ZNF565: variants seen among roughly 807,000 people sequenced by gnomAD.
ZNF565 encodes the protein zinc finger protein 565.
A neutral mutation model predicts 39.4 loss-of-function variants in ZNF565; 27 were observed. The observed-to-expected ratio is 0.69, with a 90% CI of 0.51 to 0.95. The LOEUF (loss-of-function observed/expected upper bound fraction) is 0.95, where lower values mean the gene tolerates loss of function less well. Ranked by LOEUF, ZNF565 falls within the 40% of genes least tolerant of loss-of-function variation. The probability of loss-of-function intolerance (pLI) is 0.00; values close to 1 mark genes in which losing one functional copy is unlikely to be tolerated. For missense variants in ZNF565, 524 were observed against 621.1 expected, an observed-to-expected ratio of 0.84 and a Z score of 1.66; for synonymous variants, 185 against 216.6, an observed-to-expected ratio of 0.85 and a Z score of 1.28.
At chr19:36,211,708 G>C (rs944444341) in intron 1 of ZNF565, among the ~76,000 whole-genome samples, 1 of 151,780 alleles carries the variant, frequency 6.6e-6, no homozygotes, top group Non-Finnish European at 1.5e-5. Context: ...CAGGAGAATC[G>C]CATGAACCAG....
In ZNF565 at chr19:36,182,594, G is replaced by A. The variant is rs748261589; in HGVS notation, c.1372C>T (p.Arg458Cys). Residue 458 changes from arginine to cysteine, a missense_variant, in exon 5 of 5, where the codon CGT (arginine) becomes TGT (cysteine). Coordinates refer to ENST00000304116, the MANE Select transcript of ZNF565 (RefSeq NM_152477.5). ...ECRECGMAFI[R>C]SSQLTEHQRI... ...TGATGTTCGGTAAGTTGTGAACTAC[G>A]AATAAAGGCCATTCCACACTCCCTG... The A allele has an allele frequency of 5.0e-6, 8 of 1,613,950 alleles. No homozygotes were observed. Among genetic ancestry groups the A allele is most frequent in the Non-Finnish European group, 6.8e-6 (8 of 1,180,004 alleles).
chr19:36,204,106 C>T (rs1029759553), intron 1 of ZNF565, among the ~76,000 whole-genome samples: 2 of 151,506 alleles, frequency 1.3e-5, no homozygotes, highest in Non-Finnish European at 2.9e-5. Flanking sequence ...TGCACCACCA[C>T]GCCTGGCTAA....
chr19:36,239,656 C>A (rs1312604955), intron 1 of ZNF565, among the ~76,000 whole-genome samples: 1 of 152,128 alleles, frequency 6.6e-6, no homozygotes, highest in Non-Finnish European at 1.5e-5. Context: ...AAAACAACTT[C>A]CCATAACTTC....
chr19:36,226,244 C>G (rs887873594), intron 1 of ZNF565, among the ~76,000 whole-genome samples: 23 of 152,202 alleles, frequency 1.5e-4, no homozygotes, highest in Non-Finnish European at 4.4e-5. Flanking sequence ...GAGTCTCAAA[C>G]TTGATCTCCC....
intron 3 of ZNF565, chr19:36,194,703 G>A (rs549398754): frequency 2.1e-5 from 10 of 485,066 alleles, no homozygotes; most frequent in Admixed American, 9.9e-5. Flanking sequence ...CTGGGATCCC[G>A]ACAGCTCACC....
Position 36,183,595 on chromosome 19 carries a change from T to G in ZNF565, c.371A>C (p.Gln124Pro). The G allele has an allele frequency of 6.2e-7, 1 of 1,614,198 alleles. No homozygotes were observed. Among genetic ancestry groups the G allele is most frequent in the South Asian group, 1.1e-5 (1 of 91,084 alleles). The stretch of plus-strand genomic sequence containing the variant: ...CTCTTCATTGACTTGTCTCTCAAAC[T>G]GGCCTTCGCATTCCCAGTCAGCTCT... Reference protein sequence around the residue: ...DFRADWECEGQFERQVNEECY... With the variant: ...DFRADWECEGPFERQVNEECY... Residue 124 changes from glutamine to proline, a missense_variant, in exon 5 of 5, where the codon CAG (glutamine) becomes CCG (proline). Physicochemically the swap from Gln to Pro is moderately conservative, Grantham distance 76. Coordinates refer to ENST00000304116, the MANE Select transcript of ZNF565 (RefSeq NM_152477.5).
intron 4 of ZNF565, among the ~76,000 whole-genome samples, chr19:36,190,570 C>T (rs1037591801): frequency 1.4e-5 from 2 of 146,154 alleles, no homozygotes; most frequent in African/African-American, 5.1e-5. Flanking sequence ...GGGCGAAACT[C>T]CATCTCAAAA....
rs191462347 is a variant in ZNF565, at chr19:36,230,627, A to G, written c.55+14849T>C. 1.8e-3 allele frequency among the ~76,000 whole-genome samples: 273 copies of G among 152,264 alleles called. 1 individual carries two copies. The highest frequency in any genetic ancestry group is 2.9e-3 in the Non-Finnish European group (196 of 68,016). On this transcript the variant is annotated intron_variant, in intron 1 of 4. Coordinates refer to the ZNF565 transcript ENST00000355114. The stretch of plus-strand genomic sequence containing the variant: ...AAGGAACAAAAGTGTTAAAAGCCCT[A>G]AGTCAGGAGAAGCTTGCTGTCCTGT...
At chr19:36,216,014 A>G (rs1023009255), upstream of ZNF565, among the ~76,000 whole-genome samples, 2 of 152,206 alleles carry the variant, frequency 1.3e-5, no homozygotes, top group Non-Finnish European at 2.9e-5. Context: ...TGACGTCTCC[A>G]AAGATGCGTT....
chr19:36,191,314 CTTTTT>C (rs768603825), intron 4 of ZNF565, among the ~76,000 whole-genome samples: 1 of 125,024 alleles, frequency 8.0e-6, no homozygotes. Context: ...ATTTTTCTTT[CTTTTT>C]TTTTTTTTTT....
At position 36,202,009 on chromosome 19, in the gene ZNF565, C is replaced by G. The variant is rs10417148; in HGVS notation, c.-24G>C. ...ATGGCTTTTAGAACTATTTGACCTG[C>G]TCTGATTTCTCTGGATTCTTCTCTT... On this transcript the variant is annotated 5_prime_UTR_variant, in exon 2 of 5. Transcript: ENST00000304116. The G allele has an allele frequency of 6.4e-4, 1,035 of 1,614,036 alleles. 6 individuals are homozygous for G. The African/African-American group carries it at 0.012, about 19-fold the overall frequency.
intron 1 of ZNF565, among the ~76,000 whole-genome samples, chr19:36,241,079 C>T (rs76913655): frequency 4.6e-5 from 7 of 152,116 alleles, no homozygotes; most frequent in African/African-American, 1.4e-4. Flanking sequence ...GTTCCTTATA[C>T]GTTAACCAGA....
intron 1 of ZNF565, among the ~76,000 whole-genome samples, chr19:36,240,954 C>G (rs540088709): frequency 6.6e-6 from 1 of 152,250 alleles, no homozygotes; most frequent in East Asian, 1.9e-4. Flanking sequence ...TTTGTCCCCA[C>G]TTGCTGTCTC....
intron 1 of ZNF565, among the ~76,000 whole-genome samples, chr19:36,229,238 C>G (rs562265051): frequency 6.6e-6 from 1 of 152,208 alleles, no homozygotes; most frequent in Non-Finnish European, 1.5e-5. Flanking sequence ...ATATTTTACA[C>G]CTGTTCTCAC....
chr19:36,207,422 C>T (rs1976194931), intron 1 of ZNF565, among the ~76,000 whole-genome samples: 1 of 151,938 alleles, frequency 6.6e-6, no homozygotes, highest in African/African-American at 2.4e-5. Context: ...CACCTGTAAT[C>T]CTATTTACTC....
intron 1 of ZNF565, among the ~76,000 whole-genome samples, chr19:36,233,144 A>AG (rs1447221198): frequency 6.6e-6 from 1 of 152,176 alleles, no homozygotes; most frequent in Non-Finnish European, 1.5e-5. Context: ...AGCACTTGGG[A>AG]GGCAGATACG....
intron 1 of ZNF565, among the ~76,000 whole-genome samples, chr19:36,210,419 CAAAA>C (rs35345882): frequency 2.5e-4 from 17 of 67,028 alleles, no homozygotes; most frequent in African/African-American, 8.8e-4. Flanking sequence ...AATTCTGTCT[CAAAA>C]AAAAAAAAAA....
At position 36,229,548 on chromosome 19, in the gene ZNF565, G is replaced by A. The variant is rs145705983; in HGVS notation, c.55+15928C>T. Among the ~76,000 whole-genome samples the A allele has an allele frequency of 4.8e-3, 728 of 152,196 alleles. 5 individuals carry two copies. The highest frequency in any genetic ancestry group is 0.016 in the African/African-American group (682 of 41,496). ...TTGTGGTCACGTTTACGCGTGTCACGTATATCCTTCTTGAGGTAACCTAGG... is the reference window on the plus strand; with the variant it reads ...TTGTGGTCACGTTTACGCGTGTCACATATATCCTTCTTGAGGTAACCTAGG... On this transcript the variant is annotated intron_variant, in intron 1 of 4. Transcript: ENST00000355114.
intron 1 of ZNF565, among the ~76,000 whole-genome samples, chr19:36,225,507 CT>C (rs34008093): frequency 1.0e-4 from 15 of 149,442 alleles, no homozygotes; most frequent in African/African-American, 2.4e-4. Context: ...GTGATTCTTA[CT>C]TTTTTTTTTC....
Sources: gnomAD v4.1 joint callset for allele counts (sites outside exome capture counted in the v4.1 genomes callset) on GRCh38, gnomAD v4.1.1 for gene constraint, MANE v1.5 for transcripts, NCBI Gene and HGNC (gene_info 2026-07-23, HGNC 2026-07-21) for gene names.